The following FSD2 variants were observed in gnomAD, a reference collection of about 807,000 sequenced individuals.
FSD2 encodes the protein fibronectin type III and SPRY domain-containing protein 2.
Under a neutral mutation model 80.4 loss-of-function variants are expected in FSD2, and 71 were observed. That is an observed-to-expected ratio of 0.88 (90% CI 0.73 to 1.08). The LOEUF is 1.08. Ranked by LOEUF, FSD2 falls within the 50% of genes least tolerant of loss-of-function variation. The pLI is 0.00. For missense variants in FSD2, 923 were observed against 913.8 expected (o/e 1.01, Z -0.13); for synonymous variants, 361 against 329.5 (o/e 1.10, Z -1.03).
At position 82,758,719 on chromosome 15, in the gene FSD2, C is replaced by T; in HGVS notation, c.*629G>A. The T allele has an allele frequency of 6.6e-6, 1 of 152,498 alleles. No homozygotes were observed. Among genetic ancestry groups the T allele is most frequent in the Non-Finnish European group, 1.5e-5 (1 of 68,168 alleles). The allele number at this position is 152,498 out of a possible 1,614,324, so 9.4% of individuals were successfully genotyped here. The stretch of plus-strand genomic sequence containing the variant: ...GTGATCTAGCAATGAACAAAACAGG[C>T]ACTGTCCCTCCCTTCATGGAATTAG... On this transcript the variant is annotated 3_prime_UTR_variant, in exon 13 of 13. Coordinates refer to ENST00000334574, the MANE Select transcript of FSD2 (RefSeq NM_001007122.4).
intron 1 of FSD2, among the ~76,000 whole-genome samples, chr15:82,791,991 T>A (rs544588564): frequency 7.2e-5 from 11 of 152,354 alleles, no homozygotes; most frequent in African/African-American, 2.6e-4. Flanking sequence ...ATCAGTTGAT[T>A]CGGGTGGCTT....
chr15:82,803,660 T>G (rs994814030), intron 1 of FSD2, among the ~76,000 whole-genome samples: 1 of 152,154 alleles, frequency 6.6e-6, no homozygotes, highest in Admixed American at 6.5e-5. Context: ...AATGAGAGCA[T>G]GACATCCACC....
intron 11 of FSD2, among the ~76,000 whole-genome samples, 192 bp downstream of exon 11, chr15:82,764,974 T>G (rs1387033102): frequency 6.6e-6 from 1 of 152,008 alleles, no homozygotes; most frequent in East Asian, 1.9e-4. Context: ...GGGGCTCTTC[T>G]GCCTGCACCT....
intron 10 of FSD2, 127 bp downstream of exon 10, chr15:82,765,770 TG>T: frequency 8.3e-7 from 1 of 1,211,540 alleles, no homozygotes; most frequent in African/African-American, 1.5e-5. Flanking sequence ...GAACTCCTTC[TG>T]GCCTGACTTG....
At position 82,787,122 on chromosome 15, in the gene FSD2, A is replaced by G. The variant is rs551478249; in HGVS notation, c.269T>C (p.Phe90Ser). ...LEDDHELGDE[F>S]VDENIPRTGV... ...TGTTCTGGGTATGTTTTCATCAACAAACTCATCCCCTAATTCATGATCATC... is the reference window on the plus strand; with the variant it reads ...TGTTCTGGGTATGTTTTCATCAACAGACTCATCCCCTAATTCATGATCATC... The change falls in exon 2 of 13, where the codon TTT (phenylalanine) becomes TCT (serine). Residue 90 changes from phenylalanine to serine, a missense_variant. Coordinates refer to ENST00000334574, the MANE Select transcript of FSD2 (RefSeq NM_001007122.4). The G allele has an allele frequency of 9.9e-6, 16 of 1,613,986 alleles. No individual in the cohort carries two copies. The Admixed American group carries it at 1.5e-4, about 15-fold the overall frequency.
chr15:82,755,472 G>A lies in FSD2; in HGVS notation c.*3876C>T, dbSNP rs1410952544. 6.6e-6 allele frequency: 1 copy of A among 151,930 alleles called. No individual in the cohort carries two copies. The highest frequency in any genetic ancestry group is 1.5e-5 in the Non-Finnish European group (1 of 68,032). 9.4% of individuals were successfully genotyped at this position (151,930 alleles called of 1,614,324 possible). A position where few individuals can be genotyped will look rare whatever the true frequency, so the allele number is the denominator to read the frequency against. ...AATAAATGATAGTTTAATTCCTCCA[G>A]GATTTGAGTAAGGTGAAAATAGAGC... On this transcript the variant is annotated 3_prime_UTR_variant, in exon 13 of 13. Coordinates refer to ENST00000334574, the MANE Select transcript of FSD2 (RefSeq NM_001007122.4).
chr15:82,779,128 G>C (rs763909831), intron 5 of FSD2, among the ~76,000 whole-genome samples: 5 of 152,134 alleles, frequency 3.3e-5, no homozygotes, highest in Admixed American at 6.5e-5. Flanking sequence ...GGTCATGTCA[G>C]AGGGTGGGTA....
intron 3 of FSD2, among the ~76,000 whole-genome samples, 175 bp downstream of exon 3, chr15:82,786,336 C>T (rs1385753337): frequency 2.0e-5 from 3 of 152,142 alleles, no homozygotes; most frequent in Non-Finnish European, 2.9e-5. Flanking sequence ...GGTTCCATGA[C>T]GTCCATGCCC....
In FSD2 at chr15:82,773,096, C is replaced by T. The variant is rs548064118; in HGVS notation, c.1112-868G>A. On this transcript the variant is annotated intron_variant, in intron 6 of 12. Transcript: ENST00000334574. ...TCCTGATCTCAAGTGATCTGCCTGA[C>T]TCTGCCTCCCAAAGTGCTGGGATTA... 2.0e-4 allele frequency among the ~76,000 whole-genome samples: 30 copies of T among 152,334 alleles called. 2 individuals are homozygous for T. The highest frequency in any genetic ancestry group is 1.8e-3 in the Admixed American group (28 of 15,300).
In FSD2 at chr15:82,759,291, G is replaced by T. The variant is rs150119830; in HGVS notation, c.*57C>A. On this transcript the variant is annotated 3_prime_UTR_variant, in exon 13 of 13. Transcript: ENST00000334574. The stretch of plus-strand genomic sequence containing the variant: ...AGTGCCAGGTTCAGCCAGCTAAGGC[G>T]TGAGCAGCTGCGAGAGGGGTAGGCA... The T allele has an allele frequency of 4.8e-5, 75 of 1,578,210 alleles. No individual in the cohort carries two copies. Among genetic ancestry groups the T allele is most frequent in the Middle Eastern group, 1.7e-4 (1 of 5,930 alleles).
At chr15:82,790,134 C>A (rs945057360) in intron 1 of FSD2, among the ~76,000 whole-genome samples, 2 of 152,146 alleles carry the variant, frequency 1.3e-5, no homozygotes, top group Admixed American at 6.5e-5. Context: ...CATGACTATG[C>A]CACTGAACTC....
intron 1 of FSD2, among the ~76,000 whole-genome samples, chr15:82,802,333 G>T (rs779759761): frequency 4.6e-5 from 7 of 152,084 alleles, no homozygotes; most frequent in Non-Finnish European, 7.3e-5. Flanking sequence ...GTTTCCCTCC[G>T]ATGGTTCCCA....
chr15:82,762,420 G>T, intron 11 of FSD2, 142 bp from the exon 12 acceptor site: 1 of 675,870 alleles, frequency 1.5e-6, no homozygotes, highest in Non-Finnish European at 2.4e-6. Flanking sequence ...AACTTGTAAA[G>T]TACCCTTAGC....
In FSD2 at chr15:82,787,469, C is replaced by G; in HGVS notation, c.-78-1G>C. 7.2e-7 allele frequency: 1 copy of G among 1,396,554 alleles called. No homozygotes were observed. The highest frequency in any genetic ancestry group is 9.7e-7 in the Non-Finnish European group (1 of 1,032,882). The allele number at this position is 1,396,554 out of a possible 1,614,324, so 86.5% of individuals were successfully genotyped here. ...ACACTTAATAGTGAATATCTGGGCC[C>G]TGGAACACAAAAGGAGGAGGAAAAT... On this transcript the variant is annotated splice_acceptor_variant, in intron 1 of 12. Transcript: ENST00000334574. LOFTEE classifies it low-confidence loss of function (5UTR_SPLICE).
At chr15:82,763,372 T>C (rs897555777) in intron 11 of FSD2, among the ~76,000 whole-genome samples, 4 of 152,202 alleles carry the variant, frequency 2.6e-5, no homozygotes, top group African/African-American at 2.4e-5. Flanking sequence ...CAACCCTTAA[T>C]AGCATTATAC....
chr15:82,786,657 C>T lies in FSD2; in HGVS notation c.640-51G>A, dbSNP rs1050125988. ...GGTATTAATGTTACATCTTCTCTCACTCTTGTAGAAGGCGTTTTAGATTTA... is the reference window on the plus strand; with the variant it reads ...GGTATTAATGTTACATCTTCTCTCATTCTTGTAGAAGGCGTTTTAGATTTA... On this transcript the variant is annotated intron_variant, in intron 2 of 12. Transcript: ENST00000334574. 1.2e-5 allele frequency: 20 copies of T among 1,604,314 alleles called. No homozygotes were observed. The Admixed American group carries it at 2.0e-4, about 16-fold the overall frequency.
At chr15:82,795,217 C>A (rs1281375817) in intron 1 of FSD2, among the ~76,000 whole-genome samples, 1 of 152,076 alleles carries the variant, frequency 6.6e-6, no homozygotes, top group Non-Finnish European at 1.5e-5. Flanking sequence ...ATCTTGTAGA[C>A]AACATAGAGT....
intron 1 of FSD2, among the ~76,000 whole-genome samples, chr15:82,797,581 C>G (rs767130165): frequency 2.0e-5 from 3 of 152,108 alleles, no homozygotes; most frequent in Non-Finnish European, 4.4e-5. Flanking sequence ...GAGGCCGAGG[C>G]GGGCAGATCA....
chr15:82,786,071 T>TA (rs1282854537), intron 3 of FSD2, among the ~76,000 whole-genome samples: 1 of 151,830 alleles, frequency 6.6e-6, no homozygotes, highest in African/African-American at 2.4e-5. Flanking sequence ...CAGTATACAT[T>TA]AAAAAAAGAA....
Sources: allele counts gnomAD v4.1 joint callset (sites outside exome capture counted in the v4.1 genomes callset), GRCh38; gene constraint gnomAD v4.1.1; transcripts MANE v1.5; gene names NCBI Gene and HGNC (gene_info 2026-07-23, HGNC 2026-07-21).